The following CCDC146 variants were observed in gnomAD, a reference collection of about 807,000 sequenced individuals.
The protein encoded by CCDC146 is coiled-coil domain-containing protein 146.
Under a neutral mutation model 119.3 loss-of-function variants are expected in CCDC146, and 92 were observed. The ratio of observed to expected loss-of-function variants is 0.77; its 90% CI spans 0.65 to 0.92. The LOEUF (loss-of-function observed/expected upper bound fraction) is 0.92. Among genes scored for constraint, CCDC146 ranks in the 40% least tolerant of loss-of-function variants. The pLI is 0.00. For synonymous variants in CCDC146, 372 were observed against 371.8 expected, an observed-to-expected ratio of 1.00 and a Z score of -0.01; for missense variants, 1,000 against 1,103.0, an observed-to-expected ratio of 0.91 and a Z score of 1.32.
intron 2 of CCDC146, among the ~76,000 whole-genome samples, chr7:77,186,058 A>G (rs1354130505): frequency 6.6e-6 from 1 of 152,180 alleles, no homozygotes; most frequent in Admixed American, 6.5e-5. Context: ...GTAAATTAGC[A>G]CAACCACTAT....
chr7:77,157,435 T>C (rs1791194861), intron 1 of CCDC146, among the ~76,000 whole-genome samples: 1 of 150,782 alleles, frequency 6.6e-6, no homozygotes, highest in Admixed American at 6.6e-5. Context: ...TTTTTACACA[T>C]GCTCCTTGTA....
intron 1 of CCDC146, among the ~76,000 whole-genome samples, chr7:77,127,027 G>C (rs1012014622): frequency 3.3e-5 from 5 of 152,154 alleles, no homozygotes; most frequent in African/African-American, 1.2e-4. Flanking sequence ...CTCCAGGAGA[G>C]GAGAGAGGTC....
chr7:77,163,376 A>G (rs1179267756), intron 1 of CCDC146, among the ~76,000 whole-genome samples: 1 of 152,136 alleles, frequency 6.6e-6, no homozygotes, highest in Non-Finnish European at 1.5e-5. Flanking sequence ...TGAACCTGGG[A>G]GGCAGAGGTT....
intron 15 of CCDC146, 40 bp from the exon 16 acceptor site, chr7:77,286,754 GAGCT>G (rs1034880929): frequency 6.2e-7 from 1 of 1,602,462 alleles, no homozygotes. Context: ...CAGATTAACT[GAGCT>G]AGAGCGTTCA....
chr7:77,150,081 A>G lies in CCDC146; in HGVS notation c.-11-17577A>G, dbSNP rs545954463. On this transcript the variant is annotated intron_variant, in intron 1 of 18. Coordinates refer to ENST00000285871, the MANE Select transcript of CCDC146 (RefSeq NM_020879.3). ...TAAAGATCTAACTATAAGAGTTAAA[A>G]CTATAAAATTTCTAAAAGGAAATAT... 4.9e-3 allele frequency among the ~76,000 whole-genome samples: 741 copies of G among 152,222 alleles called. 4 individuals are homozygous for G. Among genetic ancestry groups the G allele is most frequent in the African/African-American group, 0.017 (694 of 41,546 alleles).
intron 2 of CCDC146, among the ~76,000 whole-genome samples, chr7:77,183,483 C>A (rs35658575): frequency 0.11 from 16,829 of 152,206 alleles, 1,221 homozygotes; most frequent in Non-Finnish European, 0.17. Flanking sequence ...TCCATCATTT[C>A]TTTCTCCCAT....
At chr7:77,292,909 T>C in intron 17 of CCDC146, 43 bp from the exon 18 acceptor site, 1 of 1,583,754 alleles carries the variant, frequency 6.3e-7, no homozygotes, top group Non-Finnish European at 8.5e-7. Context: ...TAAGTCTTTG[T>C]GGACTGTATA....
chr7:77,258,875 C>T, intron 6 of CCDC146, 120 bp from the exon 7 acceptor site: 2 of 665,296 alleles, frequency 3.0e-6, no homozygotes, highest in South Asian at 1.8e-5. Context: ...TTAAAGCACA[C>T]AGGGCAGATG....
intron 1 of CCDC146, among the ~76,000 whole-genome samples, chr7:77,132,936 C>A (rs2117397469): frequency 6.6e-6 from 1 of 151,946 alleles, no homozygotes; most frequent in East Asian, 1.9e-4. Flanking sequence ...CTTTGGGAGC[C>A]CAAGGTGGGT....
intron 1 of CCDC146, among the ~76,000 whole-genome samples, chr7:77,146,662 C>T (rs1201317704): frequency 6.6e-6 from 1 of 151,826 alleles, no homozygotes; most frequent in Admixed American, 6.6e-5. Flanking sequence ...TTCTCCTTCA[C>T]TTATGAAGCT....
At chr7:77,166,284 A>G (rs1213103230) in intron 1 of CCDC146, among the ~76,000 whole-genome samples, 4 of 152,232 alleles carry the variant, frequency 2.6e-5, no homozygotes, top group African/African-American at 9.6e-5. Context: ...TTCTATGAGA[A>G]TCATTAGCTC....
In CCDC146 at chr7:77,282,575, G is replaced by A; in HGVS notation, c.1938G>A (p.Glu646=). The A allele has an allele frequency of 6.2e-7, 1 of 1,608,024 alleles. No homozygotes were observed. Among genetic ancestry groups the A allele is most frequent in the South Asian group, 1.1e-5 (1 of 90,098 alleles). The part of the protein sequence containing the change: ...HRNESGVQLI[E]REEEICIFYE... ...ACCATAGTGGCGTTCAGCTGATAGAGCGGGAAGAAGAAATATGCATTTTTT... is the reference window on the plus strand; with the variant it reads ...ACCATAGTGGCGTTCAGCTGATAGAACGGGAAGAAGAAATATGCATTTTTT... Residue 646 remains glutamate, a synonymous_variant, in exon 15 of 19, where the codon GAG becomes GAA. Coordinates refer to ENST00000285871, the MANE Select transcript of CCDC146 (RefSeq NM_020879.3).
chr7:77,129,897 A>G (rs969582558), intron 1 of CCDC146, among the ~76,000 whole-genome samples: 3 of 152,024 alleles, frequency 2.0e-5, no homozygotes, highest in Non-Finnish European at 4.4e-5. Context: ...ACACCTGCCC[A>G]CTAGTCATTT....
At chr7:77,151,252 C>A (rs2117445536) in intron 1 of CCDC146, among the ~76,000 whole-genome samples, 1 of 152,182 alleles carries the variant, frequency 6.6e-6, no homozygotes, top group South Asian at 2.1e-4. Context: ...ACTACCTTCA[C>A]ATTGGGATTA....
chr7:77,202,948 T>G (rs574310142), intron 2 of CCDC146, among the ~76,000 whole-genome samples: 22 of 151,796 alleles, frequency 1.4e-4, no homozygotes, highest in African/African-American at 5.3e-4. Flanking sequence ...ATGTGAGAAC[T>G]ATGTGGAGAG....
At chr7:77,185,346 G>T (rs1791650819) in intron 2 of CCDC146, among the ~76,000 whole-genome samples, 1 of 152,136 alleles carries the variant, frequency 6.6e-6, no homozygotes, top group Admixed American at 6.6e-5. Context: ...AAATAATTTT[G>T]TGGACCGTTT....
intron 3 of CCDC146, among the ~76,000 whole-genome samples, chr7:77,237,939 A>G (rs554900097): frequency 6.6e-6 from 1 of 152,276 alleles, no homozygotes; most frequent in East Asian, 1.9e-4. Flanking sequence ...AGCAACAGCA[A>G]CAGATAGAAA....
chr7:77,192,011 C>G (rs1344468153), intron 2 of CCDC146, among the ~76,000 whole-genome samples: 1 of 152,014 alleles, frequency 6.6e-6, no homozygotes, highest in East Asian at 1.9e-4. Context: ...ACTGCAACCT[C>G]TGTCTGCCAG....
At chr7:77,187,427 C>T (rs2150421011) in intron 2 of CCDC146, among the ~76,000 whole-genome samples, 1 of 152,346 alleles carries the variant, frequency 6.6e-6, no homozygotes, top group Middle Eastern at 3.4e-3. Context: ...TACATAAGCT[C>T]AGTCCAAAAT....
Sources: allele counts gnomAD v4.1 joint callset (sites outside exome capture counted in the v4.1 genomes callset), GRCh38; gene constraint gnomAD v4.1.1; transcripts MANE v1.5; gene names NCBI Gene and HGNC (gene_info 2026-07-23, HGNC 2026-07-21).